ARHGAP20: variants seen among roughly 807,000 people sequenced by gnomAD.
The protein encoded by ARHGAP20 is rho GTPase-activating protein 20.
In ARHGAP20, 34 loss-of-function variants were observed where a neutral mutation model predicts 73.7. The observed-to-expected ratio is 0.46, with a 90% CI of 0.35 to 0.61. The LOEUF (loss-of-function observed/expected upper bound fraction) is 0.61. Ranked by LOEUF, ARHGAP20 falls within the 20% of genes least tolerant of loss-of-function variation. The pLI is 0.00. For synonymous variants in ARHGAP20, 523 were observed against 518.2 expected, an observed-to-expected ratio of 1.01 and a Z score of -0.13; for missense variants, 1,314 against 1,420.9, an observed-to-expected ratio of 0.92 and a Z score of 1.21.
Position 110,580,536 on chromosome 11 carries a change from C to T in ARHGAP20, c.2410G>A (p.Ala804Thr), listed in dbSNP as rs1283187209. 6.2e-7 allele frequency: 1 copy of T among 1,614,174 alleles called. No homozygotes were observed. The highest frequency in any genetic ancestry group is 8.5e-7 in the Non-Finnish European group (1 of 1,180,036). Residue 804 changes from alanine (A) to threonine (T), a missense_variant, in exon 15 of 15, where the codon GCA (alanine) becomes ACA (threonine). By Grantham distance (58) the Ala-to-Thr change is moderately conservative (BLOSUM62 0). Coordinates refer to ENST00000683387, the MANE Select transcript of ARHGAP20 (RefSeq NM_001384657.1). ...PKSKPVAISV[A>T]SYSPMSSQDH... ...TGTGAGGACATAGGACTATAAGATGCCACAGAAATGGCCACTGGCTTAGAC... is the reference window on the plus strand; with the variant it reads ...TGTGAGGACATAGGACTATAAGATGTCACAGAAATGGCCACTGGCTTAGAC...
At chr11:110,686,943 A>G (rs77896266) in intron 2 of ARHGAP20, among the ~76,000 whole-genome samples, 2,527 of 151,560 alleles carry the variant, frequency 0.017, 51 homozygotes, top group African/African-American at 0.046. Flanking sequence ...TCTTTATAAG[A>G]TTATGAGAGA....
intron 2 of ARHGAP20, among the ~76,000 whole-genome samples, chr11:110,651,790 G>A (rs1276390389): frequency 1.3e-5 from 2 of 151,532 alleles, no homozygotes; most frequent in African/African-American, 2.4e-5. Flanking sequence ...CAGATTTATA[G>A]CTGAATTCTA....
intron 12 of ARHGAP20, among the ~76,000 whole-genome samples, chr11:110,584,267 C>G (rs1565420719): frequency 6.6e-6 from 1 of 152,154 alleles, no homozygotes; most frequent in South Asian, 2.1e-4. Context: ...TGTCCTAAAT[C>G]TGTTTCATTG....
rs1350166525 is a variant in ARHGAP20 at position 110,577,491 on chromosome 11, T to C, written c.*1879A>G. On this transcript the variant is annotated 3_prime_UTR_variant, in exon 15 of 15. Transcript: ENST00000683387. ...AACATGAAAAAAAAAAAAAAGGCAATTTCTTCCAGAAAGACACTCCAAGCC... is the reference window on the plus strand; with the variant it reads ...AACATGAAAAAAAAAAAAAAGGCAACTTCTTCCAGAAAGACACTCCAAGCC... 23 of 1,013,992 alleles carry C rather than the reference T, an allele frequency of 2.3e-5. No individual in the cohort carries two copies. Among genetic ancestry groups the C allele is most frequent in the Non-Finnish European group, 2.7e-5 (23 of 849,432 alleles). The allele number at this position is 1,013,992 out of a possible 1,614,324, so 62.8% of individuals were successfully genotyped here.
rs1947332320 is a variant in ARHGAP20 at position 110,577,951 on chromosome 11, G to C, written c.*1419C>G. 2.0e-6 allele frequency: 2 copies of C among 985,504 alleles called. No homozygotes were observed. Among genetic ancestry groups the C allele is most frequent in the South Asian group, 9.4e-5 (2 of 21,296 alleles). The allele number at this position is 985,504 out of a possible 1,614,324, so 61.0% of individuals were successfully genotyped here. ...AATAATTTGGAATAAGCTAGCTTGT[G>C]AGAGAAAGGTCCATCTGATGGTGAA... On this transcript the variant is annotated 3_prime_UTR_variant, in exon 15 of 15. Coordinates refer to ENST00000683387, the MANE Select transcript of ARHGAP20 (RefSeq NM_001384657.1).
chr11:110,702,284 C>A (rs936490274), intron 1 of ARHGAP20, among the ~76,000 whole-genome samples: 27 of 152,210 alleles, frequency 1.8e-4, no homozygotes, highest in African/African-American at 6.5e-4. Flanking sequence ...AAGACAAAAA[C>A]CACATGATTA....
intron 1 of ARHGAP20, among the ~76,000 whole-genome samples, chr11:110,696,617 T>C (rs908512529): frequency 1.3e-5 from 2 of 150,304 alleles, no homozygotes; most frequent in Admixed American, 1.3e-4. Context: ...GCATGTTTGC[T>C]ACATCGGTAT....
chr11:110,599,693 C>T (rs1948062175), intron 9 of ARHGAP20, among the ~76,000 whole-genome samples: 1 of 152,174 alleles, frequency 6.6e-6, no homozygotes, highest in Admixed American at 6.5e-5. Context: ...AGCTCTTCCT[C>T]CCCTCTGAAG....
At chr11:110,646,069 A>G (rs1268162430) in intron 2 of ARHGAP20, among the ~76,000 whole-genome samples, 1 of 152,196 alleles carries the variant, frequency 6.6e-6, no homozygotes. Context: ...CCTTGGCATC[A>G]TGCCATATAC....
chr11:110,583,671 G>A lies in ARHGAP20; in HGVS notation c.1482C>T (p.Asn494=). Residue 494 remains asparagine, a synonymous_variant, in exon 13 of 15, where the codon AAC becomes AAT. Coordinates refer to ENST00000683387, the MANE Select transcript of ARHGAP20 (RefSeq NM_001384657.1). ...LLRYLFGVLH[N]IEQHSSSNQM... ...GATTGGATGAGGAATGTTGCTCAAT[G>A]TTGTGTAACACCCCAAAAAGATACC... 6.2e-7 allele frequency: 1 copy of A among 1,612,046 alleles called. No homozygotes were observed. Among genetic ancestry groups the A allele is most frequent in the Non-Finnish European group, 8.5e-7 (1 of 1,178,622 alleles).
chr11:110,647,831 C>T (rs939662732), intron 2 of ARHGAP20, among the ~76,000 whole-genome samples: 2 of 151,902 alleles, frequency 1.3e-5, no homozygotes, highest in Non-Finnish European at 2.9e-5. Context: ...CTAGAATAGG[C>T]ATTCTCTCAT....
At chr11:110,630,887 T>C (rs1948847080) in intron 2 of ARHGAP20, 95 bp from the exon 3 acceptor site, 3 of 1,290,960 alleles carry the variant, frequency 2.3e-6, no homozygotes, top group Non-Finnish European at 3.2e-6. Flanking sequence ...TACAATGGTA[T>C]AGCATCCTAA....
chr11:110,700,924 A>C (rs1002015557), intron 1 of ARHGAP20, among the ~76,000 whole-genome samples: 5 of 151,222 alleles, frequency 3.3e-5, no homozygotes, highest in Admixed American at 1.3e-4. Context: ...TGAACTCATC[A>C]TTTTTTATGG....
intron 2 of ARHGAP20, among the ~76,000 whole-genome samples, chr11:110,658,986 T>C (rs1435997736): frequency 6.6e-6 from 1 of 152,090 alleles, no homozygotes; most frequent in Non-Finnish European, 1.5e-5. Flanking sequence ...AGGTTCCAAG[T>C]CTTTGCTATT....
intron 2 of ARHGAP20, among the ~76,000 whole-genome samples, chr11:110,633,163 G>A (rs763635701): frequency 5.9e-5 from 9 of 152,146 alleles, no homozygotes; most frequent in Non-Finnish European, 1.3e-4. Flanking sequence ...TAATAAGGTA[G>A]AGGGCCAGGT....
chr11:110,609,667 C>T (rs1184464649), intron 7 of ARHGAP20, among the ~76,000 whole-genome samples: 2 of 152,246 alleles, frequency 1.3e-5, no homozygotes, highest in Middle Eastern at 3.4e-3. Flanking sequence ...GAAAGAAATA[C>T]TAAATTATAC....
intron 2 of ARHGAP20, among the ~76,000 whole-genome samples, chr11:110,658,593 A>T (rs143290622): frequency 5.9e-5 from 9 of 152,270 alleles, no homozygotes; most frequent in African/African-American, 2.2e-4. Context: ...TGAGAAGGAA[A>T]GCAGACAAAA....
chr11:110,644,943 CA>C, intron 2 of ARHGAP20, among the ~76,000 whole-genome samples: 1 of 151,972 alleles, frequency 6.6e-6, no homozygotes, highest in Admixed American at 6.6e-5. Context: ...AATCAACAAA[CA>C]AAATCAAATA....
At chr11:110,584,984 AAAAT>A (rs1565421720) in intron 12 of ARHGAP20, among the ~76,000 whole-genome samples, 23 of 69,182 alleles carry the variant, frequency 3.3e-4, no homozygotes, top group Non-Finnish European at 7.5e-4. Context: ...TATATATGTG[AAAAT>A]ATATATGAAT....
Sources: allele counts gnomAD v4.1 joint callset (sites outside exome capture counted in the v4.1 genomes callset), GRCh38; gene constraint gnomAD v4.1.1; transcripts MANE v1.5; gene names NCBI Gene and HGNC (gene_info 2026-07-23, HGNC 2026-07-21).